Variants in ATP2B2 observed in about 807,000 individuals in gnomAD.
The protein encoded by ATP2B2 is ATPase plasma membrane Ca2+ transporting 2.
In ATP2B2, 15 loss-of-function variants were observed where a neutral mutation model predicts 120.0. The ratio of observed to expected loss-of-function variants is 0.12; its 90% CI spans 0.08 to 0.19. The LOEUF is 0.19. Among genes scored for constraint, ATP2B2 ranks in the 10% least tolerant of loss-of-function variants. The pLI, the probability that ATP2B2 is intolerant of heterozygous loss-of-function variation, is 1.00. For missense variants in ATP2B2, 1,045 were observed against 1,719.8 expected (o/e 0.61, Z 6.94); for synonymous variants, 694 against 700.3 (o/e 0.99, Z 0.14).
intron 1 of ATP2B2, among the ~76,000 whole-genome samples, chr3:10,486,324 C>CGTGCGTGT (rs1553616067): frequency 8.5e-6 from 1 of 117,088 alleles, no homozygotes; most frequent in African/African-American, 2.7e-5. Flanking sequence ...TGTGTGCGTG[C>CGTGCGTGT]GTGTGTGTGT....
chr3:10,354,536 C>G (rs1487240702), intron 14 of ATP2B2, among the ~76,000 whole-genome samples: 9 of 152,186 alleles, frequency 5.9e-5, no homozygotes, highest in Non-Finnish European at 1.3e-4. Flanking sequence ...CCGAGGGCTT[C>G]AAACACCCCC....
chr3:10,547,788 C>T (rs1291213806), intron 2 of ATP2B2, among the ~76,000 whole-genome samples: 3 of 152,192 alleles, frequency 2.0e-5, no homozygotes, highest in Non-Finnish European at 2.9e-5. Context: ...CCTTGTAAGG[C>T]AAAATCATCT....
intron 1 of ATP2B2, among the ~76,000 whole-genome samples, chr3:10,653,335 C>A (rs2070518129): frequency 6.6e-6 from 1 of 152,102 alleles, no homozygotes; most frequent in African/African-American, 2.4e-5. Context: ...GTTTCCAAGA[C>A]TTCAAAGTGC....
At chr3:10,597,113 G>GCA (rs1437320616) in intron 2 of ATP2B2, among the ~76,000 whole-genome samples, 1 of 118,964 alleles carries the variant, frequency 8.4e-6, no homozygotes, top group Admixed American at 8.5e-5. Context: ...ACACATACAC[G>GCA]CACACACACA....
At chr3:10,401,400 A>G (rs1028897348) in intron 4 of ATP2B2, among the ~76,000 whole-genome samples, 1 of 152,200 alleles carries the variant, frequency 6.6e-6, no homozygotes, top group Non-Finnish European at 1.5e-5. Context: ...GTTCTTCTGT[A>G]GTCTCAGTTA....
chr3:10,518,923 G>T (rs1224000869), intron 3 of ATP2B2, among the ~76,000 whole-genome samples: 1 of 152,220 alleles, frequency 6.6e-6, no homozygotes, highest in African/African-American at 2.4e-5. Flanking sequence ...ATACTCTCCG[G>T]CCAGGCTGGG....
chr3:10,636,740 C>G (rs968754667), intron 1 of ATP2B2, among the ~76,000 whole-genome samples: 4 of 152,144 alleles, frequency 2.6e-5, no homozygotes, highest in Non-Finnish European at 5.9e-5. Flanking sequence ...GGCCATGGTT[C>G]AAACTGGGGG....
At chr3:10,417,066 CGG>C (rs2062812278) in intron 2 of ATP2B2, among the ~76,000 whole-genome samples, 2 of 38,090 alleles carry the variant, frequency 5.3e-5, no homozygotes, top group African/African-American at 4.6e-4. Context: ...TCCCAGACGG[CGG>C]CGGGGGGGGG....
At chr3:10,413,012 C>A (rs2062663363) in intron 2 of ATP2B2, among the ~76,000 whole-genome samples, 1 of 152,222 alleles carries the variant, frequency 6.6e-6, no homozygotes, top group African/African-American at 2.4e-5. Flanking sequence ...GGTTGCAGGA[C>A]TGGACCATGT....
chr3:10,631,104 T>C (rs1046943018), intron 1 of ATP2B2, among the ~76,000 whole-genome samples: 2 of 152,248 alleles, frequency 1.3e-5, no homozygotes, highest in Non-Finnish European at 2.9e-5. Flanking sequence ...ACTCTGTGTG[T>C]TTCAATTTCT....
At chr3:10,632,108 A>G (rs1009910107) in intron 1 of ATP2B2, among the ~76,000 whole-genome samples, 5 of 152,240 alleles carry the variant, frequency 3.3e-5, no homozygotes, top group African/African-American at 1.2e-4. Flanking sequence ...GGCAGGAGCC[A>G]TGGGCTGAAT....
In ATP2B2 at chr3:10,471,389, TGTGTGTGTG is replaced by T. The variant is rs1224513600; in HGVS notation, c.-319-21536_-319-21528del. On this transcript the variant is annotated intron_variant, in intron 1 of 22. Transcript: ENST00000360273. ...CTGTGTGTGTGTGTGTGTGTGTGTG[TGTGTGTGTG>T]TTTGTGTGCGTGCACGTGTGCGTGC... Among the ~76,000 whole-genome samples the T allele has an allele frequency of 1.3e-4, 20 of 150,932 alleles. 3 individuals carry two copies. In the South Asian group the frequency reaches 4.0e-3, roughly 30 times the overall value.
At chr3:10,520,418 T>C (rs985070285) in intron 3 of ATP2B2, among the ~76,000 whole-genome samples, 15 of 152,194 alleles carry the variant, frequency 9.9e-5, no homozygotes, top group Non-Finnish European at 8.8e-5. Context: ...AGAGAAATCC[T>C]AAATGAATGC....
intron 13 of ATP2B2, 33 bp from the exon 14 acceptor site, chr3:10,358,958 A>C: frequency 6.2e-7 from 1 of 1,605,308 alleles, no homozygotes; most frequent in East Asian, 2.2e-5. Flanking sequence ...TGGGGAGCCC[A>C]GGGAATGCTC....
chr3:10,409,226 T>C (rs1184635286), intron 3 of ATP2B2, among the ~76,000 whole-genome samples: 3 of 152,260 alleles, frequency 2.0e-5, no homozygotes, highest in African/African-American at 7.2e-5. Context: ...CTGCCTATTG[T>C]GCATTTCTTA....
intron 1 of ATP2B2, among the ~76,000 whole-genome samples, chr3:10,489,274 T>C (rs559498092): frequency 6.6e-6 from 1 of 152,346 alleles, no homozygotes; most frequent in South Asian, 2.1e-4. Context: ...TCTTTGTTTA[T>C]GGTCTCTCTC....
rs181561719 is a variant in ATP2B2 at position 10,423,729 on chromosome 3, G to A, written c.200-12914C>T. ...GCTGCTACCTGTAGCCTCCCAGGAC[G>A]CCTTTCAGAGGCAGTGGATGCAGAG... On this transcript the variant is annotated intron_variant, in intron 2 of 22. Coordinates refer to ENST00000360273, the MANE Select transcript of ATP2B2 (RefSeq NM_001001331.4). Among the ~76,000 whole-genome samples, 3 of 152,290 alleles carry A rather than the reference G, an allele frequency of 2.0e-5. No homozygotes were observed. The East Asian group carries it at 5.8e-4, about 29-fold the overall frequency.
intron 1 of ATP2B2, among the ~76,000 whole-genome samples, chr3:10,483,271 G>C (rs956236940): frequency 6.6e-5 from 10 of 152,256 alleles, no homozygotes; most frequent in African/African-American, 2.4e-4. Flanking sequence ...CTGTACAGCA[G>C]AGGAGTTAAT....
chr3:10,663,980 C>T (rs954449560), intron 1 of ATP2B2, among the ~76,000 whole-genome samples: 2 of 152,122 alleles, frequency 1.3e-5, no homozygotes, highest in African/African-American at 4.8e-5. Flanking sequence ...GCCAACTAAC[C>T]CCAAAGCCTG....
Sources: gnomAD v4.1 joint callset for allele counts (sites outside exome capture counted in the v4.1 genomes callset) on GRCh38, gnomAD v4.1.1 for gene constraint, MANE v1.5 for transcripts, NCBI Gene and HGNC (gene_info 2026-07-23, HGNC 2026-07-21) for gene names.